Variants in CAPN2 observed in about 807,000 individuals in gnomAD.
CAPN2 encodes the protein calpain 2.
A neutral mutation model predicts 102.3 loss-of-function variants in CAPN2; 92 were observed. The ratio of observed to expected loss-of-function variants is 0.90; its 90% CI spans 0.76 to 1.07. The LOEUF (loss-of-function observed/expected upper bound fraction) is 1.07. CAPN2 is among the 50% of genes least tolerant of loss of function. The probability of loss-of-function intolerance (pLI) is 0.00; values close to 1 mark genes in which losing one functional copy is unlikely to be tolerated. For missense variants in CAPN2, 800 were observed against 909.4 expected, an observed-to-expected ratio of 0.88 and a Z score of 1.55; for synonymous variants, 340 against 355.4, an observed-to-expected ratio of 0.96 and a Z score of 0.49.
At chr1:223,762,703 C>T (rs1661218432) in intron 14 of CAPN2, among the ~76,000 whole-genome samples, 1 of 152,084 alleles carries the variant, frequency 6.6e-6, no homozygotes, top group South Asian at 2.1e-4. Flanking sequence ...TTTTTAGAGA[C>T]AGGGTCTCTC....
chr1:223,717,144 G>A (rs530621005), intron 1 of CAPN2, among the ~76,000 whole-genome samples: 1 of 152,206 alleles, frequency 6.6e-6, no homozygotes, highest in South Asian at 2.1e-4. Context: ...AATTCAAAAG[G>A]GTTAGATCCC....
At chr1:223,746,462 G>T (rs1417253570) in intron 4 of CAPN2, among the ~76,000 whole-genome samples, 2 of 132,462 alleles carry the variant, frequency 1.5e-5, no homozygotes, top group African/African-American at 3.4e-5. Flanking sequence ...CGACTCTAAG[G>T]TTCTACGAGA....
In CAPN2 at chr1:223,731,556, C is replaced by T. The variant is rs1660335812; in HGVS notation, c.308-12544C>T. On this transcript the variant is annotated intron_variant, in intron 2 of 20. Coordinates refer to ENST00000295006, the MANE Select transcript of CAPN2 (RefSeq NM_001748.5). This position sits in a 1 kb window ranked among gnomAD's most constrained non-coding sequence, Gnocchi z 4.2. ...CACCACCATCATCCACAACCAGTTT[C>T]CACGTCTGTCTCCTGCCGGCTGTGA... is the stretch of plus-strand genomic sequence containing the variant. Among the ~76,000 whole-genome samples the T allele has an allele frequency of 6.6e-6, 1 of 152,216 alleles. No individual in the cohort carries two copies. Among genetic ancestry groups the T allele is most frequent in the Admixed American group, 6.5e-5 (1 of 15,290 alleles).
At chr1:223,767,034 T>G (rs28370161) in intron 16 of CAPN2, among the ~76,000 whole-genome samples, 2,151 of 152,014 alleles carry the variant, frequency 0.014, 62 homozygotes, top group African/African-American at 0.049. Flanking sequence ...CCTGACAATA[T>G]GCCCATCACT....
Position 223,775,664 on chromosome 1 carries a change from G to GTGTC in CAPN2, c.*812_*815dup, listed in dbSNP as rs2102820618. ...AACTTTATGAACTTCACCACCACTAGTGTCTGTCCATGGAGTTAGAGGGGA... is the reference window on the plus strand; with the variant it reads ...AACTTTATGAACTTCACCACCACTAGTGTCTGTCTGTCCATGGAGTTAGAGGGGA... On this transcript the variant is annotated 3_prime_UTR_variant, in exon 21 of 21. Transcript: ENST00000295006. The GTGTC allele has an allele frequency of 6.5e-6, 1 of 152,712 alleles. No individual in the cohort carries two copies. Among genetic ancestry groups the GTGTC allele is most frequent in the African/African-American group, 2.4e-5 (1 of 41,564 alleles). 9.5% of individuals were successfully genotyped at this position (152,712 alleles called of 1,614,324 possible).
intron 2 of CAPN2, among the ~76,000 whole-genome samples, chr1:223,730,913 C>T (rs1032784740): frequency 1.3e-5 from 2 of 152,180 alleles, no homozygotes; most frequent in African/African-American, 4.8e-5. Context: ...GATGTAACCC[C>T]GTTGTAAGTT....
At chr1:223,712,978 G>A in intron 1 of CAPN2, 101 bp downstream of exon 1, 1 of 844,480 alleles carries the variant, frequency 1.2e-6, no homozygotes, top group Non-Finnish European at 1.6e-6. Context: ...CCCGGGTGCT[G>A]CAGTGGGGAA....
chr1:223,760,114 C>A (rs1285338294), intron 12 of CAPN2, among the ~76,000 whole-genome samples: 1 of 152,226 alleles, frequency 6.6e-6, no homozygotes, highest in East Asian at 1.9e-4. Context: ...TTGGCAAAGG[C>A]AGAATCTACC....
chr1:223,751,108 A>G, intron 7 of CAPN2, 133 bp downstream of exon 7: 1 of 807,622 alleles, frequency 1.2e-6, no homozygotes. Flanking sequence ...CCACGTGGAC[A>G]GGGACCCGTG....
chr1:223,714,682 A>G (rs1017997326), intron 1 of CAPN2, among the ~76,000 whole-genome samples: 5 of 151,758 alleles, frequency 3.3e-5, no homozygotes, highest in Admixed American at 2.6e-4. Context: ...TTACATTTGC[A>G]TGGCACTTTA....
At chr1:223,715,005 T>C (rs1249168918) in intron 1 of CAPN2, among the ~76,000 whole-genome samples, 1 of 152,182 alleles carries the variant, frequency 6.6e-6, no homozygotes, top group African/African-American at 2.4e-5. Context: ...AATTGAGGCT[T>C]GGGAAGGTTA....
chr1:223,703,568 A>C (rs1403969220), intron 1 of CAPN2, among the ~76,000 whole-genome samples: 1 of 152,208 alleles, frequency 6.6e-6, no homozygotes, highest in East Asian at 1.9e-4. Context: ...TGGGTTGGCC[A>C]AGGCTTTCTC....
intron 2 of CAPN2, among the ~76,000 whole-genome samples, chr1:223,734,966 G>T (rs1660414075): frequency 6.6e-6 from 1 of 152,162 alleles, no homozygotes; most frequent in African/African-American, 2.4e-5. Context: ...ACCATTCGGG[G>T]TGGGAGTGGG....
At chr1:223,770,151 C>T (rs1661435309) in intron 17 of CAPN2, 1 of 582,104 alleles carries the variant, frequency 1.7e-6, no homozygotes, top group South Asian at 2.2e-5. Context: ...CTAAAGGCCA[C>T]CATCAAGGGT....
intron 2 of CAPN2, among the ~76,000 whole-genome samples, chr1:223,724,213 T>G (rs1660131727): frequency 6.6e-6 from 1 of 152,212 alleles, no homozygotes; most frequent in African/African-American, 2.4e-5. Context: ...TATCTCCACC[T>G]TGTTCAGCAC....
chr1:223,705,467 C>T (rs961530816), intron 1 of CAPN2, among the ~76,000 whole-genome samples: 5 of 151,934 alleles, frequency 3.3e-5, no homozygotes, highest in Admixed American at 2.6e-4. Flanking sequence ...TCTAGAATTT[C>T]GATGTGGGAG....
chr1:223,702,263 T>TA (rs1336920427), intron 1 of CAPN2, among the ~76,000 whole-genome samples: 10 of 151,402 alleles, frequency 6.6e-5, no homozygotes, highest in East Asian at 5.9e-4. Context: ...CTGTCTCTAC[T>TA]AAAAATACAA....
In CAPN2 at chr1:223,712,654, C is replaced by T; in HGVS notation, c.14C>T (p.Ala5Val). The change falls in exon 1 of 21, where the codon GCG becomes GTG. Residue 5 changes from alanine (A) to valine (V), a missense_variant. Coordinates refer to ENST00000295006, the MANE Select transcript of CAPN2 (RefSeq NM_001748.5). Reference protein sequence around the residue: MAGIAAKLAKDREAA... With the variant: MAGIVAKLAKDREAA... The stretch of plus-strand genomic sequence containing the variant: ...CGGGACCGCAGCATGGCGGGCATCG[C>T]GGCCAAGCTGGCGAAGGACCGGGAG... 1 of 1,533,364 alleles carries T rather than the reference C, an allele frequency of 6.5e-7. No homozygotes were observed. 95.0% of individuals were successfully genotyped at this position (1,533,364 alleles called of 1,614,324 possible).
intron 15 of CAPN2, 82 bp downstream of exon 15, chr1:223,764,289 T>G (rs1661259792): frequency 1.6e-6 from 2 of 1,228,110 alleles, no homozygotes; most frequent in Non-Finnish European, 2.4e-6. Context: ...TCCCCCTCCA[T>G]GTCTGGCTGC....
Sources: gnomAD v4.1 joint callset for allele counts (sites outside exome capture counted in the v4.1 genomes callset) on GRCh38, gnomAD v4.1.1 for gene constraint, Gnocchi (gnomAD v3.1) non-coding constraint, MANE v1.5 for transcripts, NCBI Gene and HGNC (gene_info 2026-07-23, HGNC 2026-07-21) for gene names.